CEP72: variants seen among roughly 807,000 people sequenced by gnomAD.
CEP72 encodes centrosomal protein 72.
CEP72 carries 78 observed loss-of-function variants against 65.7 expected under a neutral mutation model. The observed-to-expected ratio is 1.19, with a 90% CI of 0.99 to 1.43. The LOEUF (loss-of-function observed/expected upper bound fraction) is 1.43. Ranked by LOEUF, CEP72 falls within the 40% of genes most tolerant of loss-of-function variation. The probability of loss-of-function intolerance (pLI) is 0.00; values close to 1 mark genes in which losing one functional copy is unlikely to be tolerated. For missense variants in CEP72, 914 were observed against 832.9 expected (o/e 1.10, Z -1.20); for synonymous variants, 358 against 351.7 (o/e 1.02, Z -0.20).
intron 8 of CEP72, among the ~76,000 whole-genome samples, chr5:640,128 A>G (rs1222247152): frequency 6.6e-6 from 1 of 152,164 alleles, no homozygotes; most frequent in Non-Finnish European, 1.5e-5. Flanking sequence ...TGGAAGGCGC[A>G]GCGAGTTGTG....
exon 3 of CEP72, chr5:665,201 C>T: frequency 2.5e-6 from 4 of 1,613,942 alleles, no homozygotes; most frequent in Non-Finnish European, 3.4e-6. Flanking sequence ...CAGCCTTGCC[C>T]TTGCCCTTGC....
chr5:651,090 C>T lies in CEP72; in HGVS notation c.1779-1898C>T, dbSNP rs1048150724. On this transcript the variant is annotated intron_variant, in intron 11 of 11. Coordinates refer to ENST00000264935, the MANE Select transcript of CEP72 (RefSeq NM_018140.4). ...GTGAGGTGTGACTGTGAGGCGTGGA[C>T]TGTGAGGCGTGGACTGTGAGGTGTG... Among the ~76,000 whole-genome samples, 3 of 59,254 alleles carry T rather than the reference C, an allele frequency of 5.1e-5. No homozygotes were observed. The Admixed American group carries it at 5.6e-4, about 11-fold the overall frequency. 38.9% of individuals were successfully genotyped at this position (59,254 alleles called of 152,430 possible).
chr5:673,555 C>G, the CEP72 span, among the ~76,000 whole-genome samples: 1 of 152,178 alleles, frequency 6.6e-6, no homozygotes, highest in Admixed American at 6.5e-5. Context: ...ATCTCCCACA[C>G]GGCGCCCACT....
chr5:673,737 G>A, the CEP72 span, among the ~76,000 whole-genome samples: 2 of 152,156 alleles, frequency 1.3e-5, no homozygotes, highest in African/African-American at 4.8e-5. Flanking sequence ...TGAATGTGCT[G>A]GAGCAGGGGG....
At chr5:628,619 AGTCCC>A (rs1561037185) in intron 4 of CEP72, among the ~76,000 whole-genome samples, 6 of 22,090 alleles carry the variant, frequency 2.7e-4, no homozygotes, top group African/African-American at 4.7e-4. Flanking sequence ...CTCAGGTCGC[AGTCCC>A]CGGGGAGTGG....
At chr5:622,844 A>G (rs533630288) in intron 3 of CEP72, among the ~76,000 whole-genome samples, 15 of 152,324 alleles carry the variant, frequency 9.8e-5, no homozygotes, top group African/African-American at 2.6e-4. Flanking sequence ...CGCCTGTTTT[A>G]TAGTGTTTAT....
In CEP72 at chr5:612,403, G is replaced by C. The variant is rs989519767; in HGVS notation, c.42G>C (p.Ala14=). 2.0e-6 allele frequency: 3 copies of C among 1,489,636 alleles called. No individual in the cohort carries two copies. Among genetic ancestry groups the C allele is most frequent in the Non-Finnish European group, 2.7e-6 (3 of 1,125,022 alleles). 92.3% of individuals were successfully genotyped at this position (1,489,636 alleles called of 1,614,324 possible). The change falls in exon 1 of 12, where the codon GCG becomes GCC. Residue 14 remains alanine (A), a synonymous_variant. Coordinates refer to ENST00000264935, the MANE Select transcript of CEP72 (RefSeq NM_018140.4). The stretch of plus-strand genomic sequence containing the variant: ...CTCGGCTGGTGCTGAGCGAGGAGGC[G>C]GTTCGGGCGAAGAGCGGCTTAGGGC... ...AGPRLVLSEE[A]VRAKSGLGPH...
chr5:628,917 C>G (rs1168298693), intron 4 of CEP72, among the ~76,000 whole-genome samples: 16 of 120,212 alleles, frequency 1.3e-4, no homozygotes, highest in African/African-American at 4.5e-4. Context: ...CAGGACCCAG[C>G]CCCCTTCTTT....
downstream of CEP72, among the ~76,000 whole-genome samples, chr5:654,180 C>T (rs988802947): frequency 8.7e-5 from 12 of 138,290 alleles, no homozygotes; most frequent in Non-Finnish European, 1.5e-4. Flanking sequence ...TGCACTTGCT[C>T]TGTGTACTAG....
Position 635,523 on chromosome 5 carries a change from C to T in CEP72, c.843C>T (p.Tyr281=), listed in dbSNP as rs138572956. ...SQLCGELPPL[Y]GAEPEASRAP... Reference sequence around the variant, plus strand: ...TCTGTGGAGAGCTTCCGCCACTGTACGGAGCGGAGCCAGAGGCCTCCCGTG... The same window carrying T: ...TCTGTGGAGAGCTTCCGCCACTGTATGGAGCGGAGCCAGAGGCCTCCCGTG... Residue 281 remains tyrosine (Y), a synonymous_variant, in exon 6 of 12, where the codon TAC becomes TAT. Transcript: ENST00000264935. 35 of 1,613,240 alleles carry T rather than the reference C, an allele frequency of 2.2e-5. No individual in the cohort carries two copies. In the African/African-American group the frequency reaches 2.9e-4, roughly 14 times the overall value.
the CEP72 span, chr5:676,348 G>A: frequency 2.6e-5 from 4 of 152,238 alleles, no homozygotes; most frequent in African/African-American, 9.7e-5. Flanking sequence ...CAGCAGAGAC[G>A]GAACAGCTGC....
intron 2 of CEP72, among the ~76,000 whole-genome samples, chr5:619,408 A>G (rs1028013647): frequency 6.6e-6 from 1 of 152,216 alleles, no homozygotes; most frequent in African/African-American, 2.4e-5. Flanking sequence ...GGCTCCTGGC[A>G]GGGTCACCCT....
At chr5:615,151 T>C (rs1290003828) in intron 1 of CEP72, among the ~76,000 whole-genome samples, 1 of 151,430 alleles carries the variant, frequency 6.6e-6, no homozygotes, top group African/African-American at 2.4e-5. Flanking sequence ...TTTTTTTTTT[T>C]TGAGACAGAG....
In CEP72 at chr5:615,688, G is replaced by T. The variant is rs553605334; in HGVS notation, c.82+3245G>T. On this transcript the variant is annotated intron_variant, in intron 1 of 11. Transcript: ENST00000264935. Reference sequence around the variant, plus strand: ...CATTTAATCTAATTGTTAAATATTAGAACTTAAGTGTGCCATTTTATTGTT... The same window carrying T: ...CATTTAATCTAATTGTTAAATATTATAACTTAAGTGTGCCATTTTATTGTT... Among the ~76,000 whole-genome samples the T allele has an allele frequency of 2.0e-5, 3 of 152,262 alleles. No homozygotes were observed. In the East Asian group the frequency reaches 5.8e-4, roughly 29 times the overall value.
At chr5:668,252 TGCGGACAAGCACACGGAGAGGG>T (rs1230307056), downstream of CEP72, among the ~76,000 whole-genome samples, 62 of 64,410 alleles carry the variant, frequency 9.6e-4, 7 homozygotes, top group Non-Finnish European at 1.1e-3. Context: ...GTCAGGGAAG[TGCGGACAAGCACACGGAGAGGG>T]GTCCGCGTGG....
At chr5:633,585 C>T (rs188463301) in intron 4 of CEP72, among the ~76,000 whole-genome samples, 184 bp from the exon 5 acceptor site, 3 of 152,320 alleles carry the variant, frequency 2.0e-5, no homozygotes, top group East Asian at 1.9e-4. Context: ...TGTTGCTCAC[C>T]GATTGTCCTT....
At chr5:670,889 G>A (rs1385493176), downstream of CEP72, among the ~76,000 whole-genome samples, 3 of 152,208 alleles carry the variant, frequency 2.0e-5, no homozygotes, top group Non-Finnish European at 4.4e-5. Context: ...GTGAGGTGAT[G>A]TCTGGCCACC....
chr5:633,878 C>T lies in CEP72; in HGVS notation c.622C>T (p.Leu208Phe), dbSNP rs956888191. 8.1e-6 allele frequency: 13 copies of T among 1,613,596 alleles called. No homozygotes were observed. Among genetic ancestry groups the T allele is most frequent in the South Asian group, 1.1e-5 (1 of 91,090 alleles). ...CCTCATTGCAGAGTGCGAGTGGGAC[C>T]TCGGCAGGCCTCCCGGGAGCACGAG... is the stretch of plus-strand genomic sequence containing the variant. Reference protein sequence around the residue: ...LNLIAECEWDLGRPPGSTSFS... With the variant: ...LNLIAECEWDFGRPPGSTSFS... Residue 208 changes from leucine to phenylalanine, a missense_variant, in exon 5 of 12, where the codon CTC becomes TTC. Physicochemically the swap from Leu to Phe is conservative, Grantham distance 22. Transcript: ENST00000264935.
chr5:640,775 C>T, intron 9 of CEP72, 171 bp downstream of exon 9: 1 of 985,456 alleles, frequency 1.0e-6, no homozygotes, highest in Non-Finnish European at 1.2e-6. Context: ...CGCGGCCTGC[C>T]CTGTCTCACA....
Sources: allele counts gnomAD v4.1 joint callset (sites outside exome capture counted in the v4.1 genomes callset), GRCh38; gene constraint gnomAD v4.1.1; transcripts MANE v1.5; gene names NCBI Gene and HGNC (gene_info 2026-07-23, HGNC 2026-07-21).